Variants in SLC24A2 observed in about 807,000 individuals in gnomAD.
SLC24A2 encodes the protein sodium/potassium/calcium exchanger 2.
Under a neutral mutation model 62.0 loss-of-function variants are expected in SLC24A2, and 36 were observed. That is an observed-to-expected ratio of 0.58 (90% CI 0.44 to 0.77). SLC24A2 has a LOEUF of 0.77. SLC24A2 is among the 30% of genes least tolerant of loss of function. SLC24A2 has a pLI of 0.00. For synonymous variants in SLC24A2, 358 were observed against 294.0 expected (o/e 1.22, Z -2.23); for missense variants, 846 against 817.9 (o/e 1.03, Z -0.42).
chr9:20,154,948 C>G, the SLC24A2 span, among the ~76,000 whole-genome samples: 3 of 151,688 alleles, frequency 2.0e-5, no homozygotes, highest in East Asian at 5.9e-4. Context: ...GGAAATTCTC[C>G]TCAAGCATCT....
chr9:19,749,369 G>T (rs1489785078), intron 2 of SLC24A2, among the ~76,000 whole-genome samples: 1 of 151,962 alleles, frequency 6.6e-6, no homozygotes, highest in Non-Finnish European at 1.5e-5. Flanking sequence ...AAAGGTATTT[G>T]TGTGTATGTT....
the SLC24A2 span, among the ~76,000 whole-genome samples, chr9:20,144,292 G>A: frequency 1.3e-5 from 2 of 152,130 alleles, no homozygotes; most frequent in Non-Finnish European, 2.9e-5. Flanking sequence ...ATTTTTTTAT[G>A]TCTTTAGACA....
chr9:19,842,276 G>C, the SLC24A2 span, among the ~76,000 whole-genome samples: 1 of 152,152 alleles, frequency 6.6e-6, no homozygotes, highest in African/African-American at 2.4e-5. Flanking sequence ...GTCTACAAAA[G>C]AAATGCAGCA....
the SLC24A2 span, among the ~76,000 whole-genome samples, chr9:19,856,818 G>A: frequency 6.6e-6 from 1 of 152,196 alleles, no homozygotes. Context: ...GCCCCATGGT[G>A]GATCGGTTGC....
the SLC24A2 span, among the ~76,000 whole-genome samples, chr9:19,850,986 T>TAC: frequency 3.1e-5 from 1 of 32,102 alleles, no homozygotes; most frequent in African/African-American, 1.0e-4. Flanking sequence ...TATATATATG[T>TAC]ATATATATAT....
chr9:20,051,998 A>G, the SLC24A2 span, among the ~76,000 whole-genome samples: 2 of 152,058 alleles, frequency 1.3e-5, no homozygotes, highest in African/African-American at 4.8e-5. Flanking sequence ...CATTAATGAG[A>G]TAATCCATAT....
At chr9:19,904,810 G>A in the SLC24A2 span, among the ~76,000 whole-genome samples, 1 of 152,126 alleles carries the variant, frequency 6.6e-6, no homozygotes, top group Non-Finnish European at 1.5e-5. Context: ...AGGAGATGCA[G>A]CTTAAAGCTG....
At chr9:19,552,895 C>T (rs968015730) in intron 7 of SLC24A2, among the ~76,000 whole-genome samples, 1 of 152,174 alleles carries the variant, frequency 6.6e-6, no homozygotes, top group African/African-American at 2.4e-5. Flanking sequence ...CACTACTGTC[C>T]AATGCAAACA....
the SLC24A2 span, among the ~76,000 whole-genome samples, chr9:20,017,885 A>G: frequency 3.3e-5 from 5 of 152,250 alleles, no homozygotes; most frequent in African/African-American, 1.2e-4. Flanking sequence ...CTCCCAATCC[A>G]CTGACTCAAA....
chr9:19,845,972 T>A, the SLC24A2 span, among the ~76,000 whole-genome samples: 1 of 152,148 alleles, frequency 6.6e-6, no homozygotes, highest in African/African-American at 2.4e-5. Context: ...TGACTTCATT[T>A]TTTTTTCTGA....
intron 8 of SLC24A2, among the ~76,000 whole-genome samples, chr9:19,547,666 C>A (rs554578700): frequency 2.0e-5 from 3 of 151,544 alleles, no homozygotes; most frequent in African/African-American, 7.3e-5. Flanking sequence ...CTGAGTGCCT[C>A]AATGGTTGTA....
intron 2 of SLC24A2, among the ~76,000 whole-genome samples, chr9:19,726,074 A>G (rs981440414): frequency 1.3e-5 from 2 of 152,204 alleles, no homozygotes; most frequent in African/African-American, 4.8e-5. Flanking sequence ...TAGCGAGGCC[A>G]CATCCTCACT....
chr9:19,555,536 A>G (rs1010953491), intron 7 of SLC24A2, among the ~76,000 whole-genome samples: 1 of 152,182 alleles, frequency 6.6e-6, no homozygotes, highest in African/African-American at 2.4e-5. Context: ...TTTTCCTCAG[A>G]TGTATTTTTG....
At chr9:20,209,485 G>A in the SLC24A2 span, among the ~76,000 whole-genome samples, 5 of 152,218 alleles carry the variant, frequency 3.3e-5, no homozygotes, top group South Asian at 4.2e-4. Context: ...TCTCTTCCCC[G>A]AATTTGCCAA....
chr9:19,583,289 G>T (rs1836262003), intron 5 of SLC24A2, among the ~76,000 whole-genome samples: 1 of 152,182 alleles, frequency 6.6e-6, no homozygotes, highest in African/African-American at 2.4e-5. Flanking sequence ...TTCCCCCAGA[G>T]GTCCACAGAG....
the SLC24A2 span, among the ~76,000 whole-genome samples, chr9:20,050,728 C>G: frequency 6.6e-6 from 1 of 152,126 alleles, no homozygotes; most frequent in Non-Finnish European, 1.5e-5. Context: ...ATATTGGAGT[C>G]TGGTTTTACA....
chr9:20,226,969 C>A, the SLC24A2 span, among the ~76,000 whole-genome samples: 1 of 152,196 alleles, frequency 6.6e-6, no homozygotes, highest in East Asian at 1.9e-4. Context: ...ATGGTAAGAA[C>A]AAACTTGAAT....
the SLC24A2 span, among the ~76,000 whole-genome samples, chr9:19,957,049 C>T: frequency 2.6e-5 from 4 of 152,296 alleles, no homozygotes; most frequent in East Asian, 3.9e-4. Context: ...TTTGTTGTAA[C>T]AGCCTGAACT....
chr9:19,839,622 C>A, the SLC24A2 span, among the ~76,000 whole-genome samples: 3 of 152,020 alleles, frequency 2.0e-5, no homozygotes, highest in South Asian at 6.2e-4. Context: ...AATCTGAATT[C>A]GTTTGAAAGT....
Sources: gnomAD v4.1 joint callset for allele counts (sites outside exome capture counted in the v4.1 genomes callset) on GRCh38, gnomAD v4.1.1 for gene constraint, MANE v1.5 for transcripts, NCBI Gene and HGNC (gene_info 2026-07-23, HGNC 2026-07-21) for gene names.